SYNJ2: variants seen among roughly 807,000 people sequenced by gnomAD.
SYNJ2 encodes the protein synaptojanin 2, also known as polyphosphatidylinositol phosphatase SYNJ2.
A neutral mutation model predicts 141.3 loss-of-function variants in SYNJ2; 116 were observed. That is an observed-to-expected ratio of 0.82 (90% CI 0.71 to 0.96). The LOEUF (loss-of-function observed/expected upper bound fraction) is 0.96. Among genes scored for constraint, SYNJ2 ranks in the 40% least tolerant of loss-of-function variants. The probability of loss-of-function intolerance (pLI) is 0.00; values close to 1 mark genes in which losing one functional copy is unlikely to be tolerated. For missense variants in SYNJ2, 1,873 were observed against 1,934.8 expected (o/e 0.97, Z 0.60); for synonymous variants, 745 against 777.7 (o/e 0.96, Z 0.70).
intron 3 of SYNJ2, among the ~76,000 whole-genome samples, chr6:158,029,618 A>G (rs1036416570): frequency 1.3e-5 from 2 of 151,930 alleles, no homozygotes. Flanking sequence ...AAAACATAAG[A>G]GCCGACGTCT....
Position 158,074,778 on chromosome 6 carries a change from A to G in SYNJ2, c.2292+40A>G, listed in dbSNP as rs982412405. Reference sequence around the variant, plus strand: ...AAAAACATTTTTTAGCAGCTGCTCCAAGATGGAATGACATCTGTGAGATGT... The same window carrying G: ...AAAAACATTTTTTAGCAGCTGCTCCGAGATGGAATGACATCTGTGAGATGT... On this transcript the variant is annotated intron_variant, in intron 16 of 26. Coordinates refer to ENST00000355585, the MANE Select transcript of SYNJ2 (RefSeq NM_003898.4). 8 of 1,604,264 alleles carry G rather than the reference A, an allele frequency of 5.0e-6. 1 individual carries two copies. The Admixed American group carries it at 6.8e-5, about 14-fold the overall frequency.
chr6:158,028,992 G>A lies in SYNJ2; in HGVS notation c.451G>A (p.Asp151Asn), dbSNP rs778480743. The change falls in exon 3 of 27, where the codon GAT (aspartate) becomes AAT (asparagine). Residue 151 changes from aspartate to asparagine, a missense_variant. Coordinates refer to ENST00000355585, the MANE Select transcript of SYNJ2 (RefSeq NM_003898.4). ...GACTGTCCGCACGCAGAAGCAGGGG[G>A]ATGACAGCTCTGAATGGGGGAACTC... ...DLTVRTQKQG[D>N]DSSEWGNSFF... The A allele has an allele frequency of 6.3e-7, 1 of 1,598,608 alleles. No homozygotes were observed. Among genetic ancestry groups the A allele is most frequent in the Admixed American group, 1.7e-5 (1 of 58,834 alleles).
chr6:158,027,720 G>T lies in SYNJ2; in HGVS notation c.215-1036G>T, dbSNP rs115760918. Reference sequence around the variant, plus strand: ...GGGAGGGAGGTCATGAGCTTTGTGTGTGTGACAACTGCTGATGGGAATGCT... The same window carrying T: ...GGGAGGGAGGTCATGAGCTTTGTGTTTGTGACAACTGCTGATGGGAATGCT... On this transcript the variant is annotated intron_variant, in intron 2 of 26. Transcript: ENST00000355585. The surrounding 1 kb of genome is among the most constrained non-coding windows in gnomAD (Gnocchi z 4.6). 6.6e-6 allele frequency: 1 copy of T among 152,282 alleles called. No homozygotes were observed. Among genetic ancestry groups the T allele is most frequent in the Non-Finnish European group, 1.5e-5 (1 of 68,112 alleles). The allele number at this position is 152,282 out of a possible 1,614,324, so 9.4% of individuals were successfully genotyped here. A position where few individuals can be genotyped will look rare whatever the true frequency, so the allele number is the denominator to read the frequency against.
At chr6:158,059,170 GCC>G in intron 6 of SYNJ2, 85 bp from the exon 7 acceptor site, 5 of 1,345,728 alleles carry the variant, frequency 3.7e-6, no homozygotes, top group Non-Finnish European at 4.9e-6. Context: ...CATGACTCCT[GCC>G]CCGTCTTCCC....
chr6:158,026,006 T>C (rs1371233419), intron 2 of SYNJ2, among the ~76,000 whole-genome samples: 1 of 152,084 alleles, frequency 6.6e-6, no homozygotes, highest in East Asian at 1.9e-4. Flanking sequence ...CGTACATACA[T>C]ACATACATAC....
intron 1 of SYNJ2, among the ~76,000 whole-genome samples, chr6:158,009,069 C>T (rs1778170235): frequency 6.6e-6 from 1 of 152,220 alleles, no homozygotes; most frequent in Non-Finnish European, 1.5e-5. Flanking sequence ...CTCCACTCTC[C>T]ATGCAGCCAT....
intron 1 of SYNJ2, among the ~76,000 whole-genome samples, chr6:158,009,758 C>G (rs988175700): frequency 1.3e-5 from 2 of 152,182 alleles, no homozygotes; most frequent in Admixed American, 1.3e-4. Flanking sequence ...CCACGCAGTG[C>G]TTAAAATAAA....
At position 158,017,295 on chromosome 6, in the gene SYNJ2, G is replaced by A; in HGVS notation, c.214+5G>A. The A allele has an allele frequency of 1.9e-6, 3 of 1,610,638 alleles. No homozygotes were observed. In the South Asian group the frequency reaches 3.3e-5, roughly 18 times the overall value. On this transcript the variant is annotated splice_donor_5th_base_variant and intron_variant, in intron 2 of 26. Transcript: ENST00000355585. ...GGGAGCTGAGGCTGAAATCTGGTGAGTAGCCGCTCGCTGGAGGAGCAGGCG... is the reference window on the plus strand; with the variant it reads ...GGGAGCTGAGGCTGAAATCTGGTGAATAGCCGCTCGCTGGAGGAGCAGGCG...
rs1186065030 is a variant in SYNJ2, at chr6:158,028,781, G to A, written c.240G>A (p.Val80=). The A allele has an allele frequency of 6.2e-7, 1 of 1,614,176 alleles. No homozygotes were observed. The highest frequency in any genetic ancestry group is 8.5e-7 in the Non-Finnish European group (1 of 1,180,022). The change falls in exon 3 of 27, where the codon GTG becomes GTA. Residue 80 remains valine, a synonymous_variant. Transcript: ENST00000355585. The part of the protein sequence containing the change: ...KSGGTSLSFL[V]LVTGCTSVGR... ...GTGGCACGTCTCTGAGCTTCCTGGTGTTGGTGACAGGCTGCACATCTGTGG... is the reference window on the plus strand; with the variant it reads ...GTGGCACGTCTCTGAGCTTCCTGGTATTGGTGACAGGCTGCACATCTGTGG...
At chr6:158,073,045 C>T (rs563034128) in intron 15 of SYNJ2, among the ~76,000 whole-genome samples, 3 of 143,824 alleles carry the variant, frequency 2.1e-5, no homozygotes, top group South Asian at 2.3e-4. Flanking sequence ...ACTCCAGCCT[C>T]GGCAACAGAG....
intron 1 of SYNJ2, among the ~76,000 whole-genome samples, chr6:158,000,771 A>G (rs538639820): frequency 5.7e-4 from 85 of 149,880 alleles, no homozygotes; most frequent in Non-Finnish European, 1.0e-3. Flanking sequence ...TACAGCACGC[A>G]CTCCCCCCAA....
At chr6:158,080,486 A>G (rs893652446) in intron 18 of SYNJ2, among the ~76,000 whole-genome samples, 73 of 150,288 alleles carry the variant, frequency 4.9e-4, no homozygotes, top group African/African-American at 1.7e-3. Context: ...AAATAAAAAA[A>G]AAAAAAAAAA....
Position 158,098,369 on chromosome 6 carries a change from G to A in SYNJ2, c.*2005G>A, listed in dbSNP as rs1583542398. On this transcript the variant is annotated 3_prime_UTR_variant, in exon 27 of 27. Transcript: ENST00000355585. Reference sequence around the variant, plus strand: ...CTAAGTAGCTCTTCAGAGTCTGACCGTAAGTAAAAACACACAGAATTGTGT... The same window carrying A: ...CTAAGTAGCTCTTCAGAGTCTGACCATAAGTAAAAACACACAGAATTGTGT... The A allele has an allele frequency of 6.6e-6, 1 of 152,052 alleles. No individual in the cohort carries two copies. Among genetic ancestry groups the A allele is most frequent in the African/African-American group, 2.4e-5 (1 of 41,380 alleles). The allele number at this position is 152,052 out of a possible 1,614,324, so 9.4% of individuals were successfully genotyped here.
chr6:158,050,112 C>G (rs1780485514), intron 5 of SYNJ2, among the ~76,000 whole-genome samples: 1 of 151,056 alleles, frequency 6.6e-6, no homozygotes, highest in Non-Finnish European at 1.5e-5. Flanking sequence ...GAGCTGTCTT[C>G]CCTGCTGTAC....
rs747362688 is a variant in SYNJ2, at chr6:158,096,100, T to G, written c.4227T>G (p.Gly1409=). Reference sequence around the variant, plus strand: ...AGCCAGAGGCAGCCCCACTTCTTGGTGATTATCAGGACCCCTTCTGGAACC... The same window carrying G: ...AGCCAGAGGCAGCCCCACTTCTTGGGGATTATCAGGACCCCTTCTGGAACC... ...AMKPEAAPLL[G]DYQDPFWNLL... The change falls in exon 27 of 27, where the codon GGT becomes GGG. Residue 1409 remains glycine, a synonymous_variant. Coordinates refer to ENST00000355585, the MANE Select transcript of SYNJ2 (RefSeq NM_003898.4). 6.2e-6 allele frequency: 10 copies of G among 1,614,098 alleles called. No individual in the cohort carries two copies. The African/African-American group carries it at 1.3e-4, about 22-fold the overall frequency.
intron 26 of SYNJ2, 69 bp downstream of exon 26, chr6:158,093,173 G>A: frequency 6.6e-7 from 1 of 1,514,028 alleles, no homozygotes; most frequent in South Asian, 1.2e-5. Context: ...TAAGAATTGT[G>A]GCCTGTAATC....
chr6:157,987,655 G>T (rs930013576), intron 1 of SYNJ2, among the ~76,000 whole-genome samples: 5 of 152,174 alleles, frequency 3.3e-5, no homozygotes, highest in African/African-American at 1.2e-4. Flanking sequence ...GCCCGCCTCG[G>T]CCTCCCAAAG....
chr6:158,047,934 G>A (rs1780348103), intron 5 of SYNJ2, among the ~76,000 whole-genome samples: 1 of 152,078 alleles, frequency 6.6e-6, no homozygotes, highest in South Asian at 2.1e-4. Flanking sequence ...TTGGTGCCGT[G>A]AGCACTGAAT....
rs910109149 is a variant in SYNJ2, at chr6:158,096,948, C to T, written c.*584C>T. The T allele has an allele frequency of 6.5e-6, 1 of 153,112 alleles. No homozygotes were observed. Among genetic ancestry groups the T allele is most frequent in the Non-Finnish European group, 1.5e-5 (1 of 68,448 alleles). The allele number at this position is 153,112 out of a possible 1,614,324, so 9.5% of individuals were successfully genotyped here. On this transcript the variant is annotated 3_prime_UTR_variant, in exon 27 of 27. Coordinates refer to ENST00000355585, the MANE Select transcript of SYNJ2 (RefSeq NM_003898.4). ...ATGAGCCTTCATGTTTAAGTGTGTA[C>T]ATGTGCGTTAACCTTGATGATGCGT... is the stretch of plus-strand genomic sequence containing the variant.
Sources: allele counts gnomAD v4.1 joint callset (sites outside exome capture counted in the v4.1 genomes callset), GRCh38; gene constraint gnomAD v4.1.1; non-coding constraint Gnocchi (gnomAD v3.1); transcripts MANE v1.5; gene names NCBI Gene and HGNC (gene_info 2026-07-23, HGNC 2026-07-21).